LNX1: variants seen among roughly 807,000 people sequenced by gnomAD.
The protein encoded by LNX1 is E3 ubiquitin-protein ligase LNX.
LNX1 carries 54 observed loss-of-function variants against 68.4 expected under a neutral mutation model. That is an observed-to-expected ratio of 0.79 (90% CI 0.63 to 0.99). The LOEUF is 0.99. Among genes scored for constraint, LNX1 ranks in the 50% least tolerant of loss-of-function variants. The pLI is 0.00. For missense variants in LNX1, 906 were observed against 926.4 expected (o/e 0.98, Z 0.29); for synonymous variants, 336 against 350.0 (o/e 0.96, Z 0.45).
intron 1 of LNX1, among the ~76,000 whole-genome samples, chr4:53,644,358 C>T (rs554541832): frequency 3.7e-4 from 56 of 152,186 alleles, no homozygotes; most frequent in African/African-American, 1.2e-3. Context: ...GCCGAGATCA[C>T]GCCACTGCAC....
At chr4:53,463,437 A>AATC (rs1410917110) in intron 9 of LNX1, among the ~76,000 whole-genome samples, 1 of 152,012 alleles carries the variant, frequency 6.6e-6, no homozygotes, top group African/African-American at 2.4e-5. Context: ...TCCGTATGTT[A>AATC]ATCTGTTTCA....
chr4:53,534,698 T>C (rs1728249654), intron 2 of LNX1, among the ~76,000 whole-genome samples: 2 of 152,178 alleles, frequency 1.3e-5, no homozygotes, highest in Admixed American at 1.3e-4. Context: ...TAAAACAACC[T>C]ATTTGTCTTT....
chr4:53,469,383 A>G (rs1432880104), intron 9 of LNX1, among the ~76,000 whole-genome samples: 2 of 152,236 alleles, frequency 1.3e-5, no homozygotes, highest in Non-Finnish European at 1.5e-5. Context: ...TCACAAGAGA[A>G]AGCAGGAAAG....
exon 1 of LNX1, chr4:53,652,249 G>A (rs1007721471): frequency 6.6e-6 from 1 of 152,250 alleles, no homozygotes; most frequent in Non-Finnish European, 1.5e-5. Context: ...TTCTGGCTTA[G>A]CAGTAGCTCG....
rs540392929 is a variant in LNX1 at position 53,530,855 on chromosome 4, G to T, written c.381-22628C>A. 5.5e-4 allele frequency among the ~76,000 whole-genome samples: 83 copies of T among 152,208 alleles called. 1 individual carries two copies. The East Asian group carries it at 7.0e-3, about 13-fold the overall frequency. On this transcript the variant is annotated intron_variant, in intron 2 of 10. Transcript: ENST00000263925. ...AAAATGCTCCAGAAAAAAGGAGGGG[G>T]TACAGGGAATTAAAATTGTAAAATG...
chr4:53,642,542 T>G (rs557587503), intron 1 of LNX1, among the ~76,000 whole-genome samples: 2 of 152,214 alleles, frequency 1.3e-5, no homozygotes, highest in Non-Finnish European at 2.9e-5. Flanking sequence ...CACTCTAAAG[T>G]CATATGTGGC....
At chr4:53,564,916 C>T (rs1730550017) in intron 2 of LNX1, among the ~76,000 whole-genome samples, 1 of 152,172 alleles carries the variant, frequency 6.6e-6, no homozygotes, top group Admixed American at 6.5e-5. Context: ...AGGTCACTCC[C>T]ACCCGAATAC....
intron 2 of LNX1, chr4:53,558,226 C>T (rs1227763032): frequency 4.0e-6 from 5 of 1,253,072 alleles, no homozygotes; most frequent in Non-Finnish European, 5.1e-6. Flanking sequence ...TGAGAGCAGG[C>T]AAGCTGATGC....
chr4:53,612,262 A>C (rs1276017768), intron 2 of LNX1, among the ~76,000 whole-genome samples: 1 of 152,156 alleles, frequency 6.6e-6, no homozygotes, highest in Non-Finnish European at 1.5e-5. Context: ...GGTAAGGGAG[A>C]ACTTTCATAC....
chr4:53,575,698 G>A (rs1731440195), intron 1 of LNX1: 1 of 1,397,010 alleles, frequency 7.2e-7, no homozygotes, highest in South Asian at 2.1e-5. Flanking sequence ...GGCTAATCAA[G>A]GAGGAAGCAG....
chr4:53,554,470 T>G (rs1254971922), intron 2 of LNX1, among the ~76,000 whole-genome samples: 1 of 152,250 alleles, frequency 6.6e-6, no homozygotes, highest in Non-Finnish European at 1.5e-5. Flanking sequence ...AAATTGAATT[T>G]GAATGCTTTC....
chr4:53,618,899 G>GT (rs1030931897), upstream of LNX1, among the ~76,000 whole-genome samples: 12 of 151,896 alleles, frequency 7.9e-5, no homozygotes, highest in Non-Finnish European at 1.2e-4. Context: ...AGCTCCTTTT[G>GT]TTTTTTTTAT....
chr4:53,524,979 T>TAA lies in LNX1; in HGVS notation c.381-16753_381-16752insTT, dbSNP rs1320001938. Among the ~76,000 whole-genome samples, 4 of 152,272 alleles carry TAA rather than the reference T, an allele frequency of 2.6e-5. No individual in the cohort carries two copies. The South Asian group carries it at 8.3e-4, about 32-fold the overall frequency. Reference sequence around the variant, plus strand: ...AGACTTCCCCTTGTGGAGGGAGTCTTAGAGCGTAAAGATGGGGATTTGTGG... The same window carrying TAA: ...AGACTTCCCCTTGTGGAGGGAGTCTTAAAGAGCGTAAAGATGGGGATTTGTGG... On this transcript the variant is annotated intron_variant, in intron 2 of 10. Coordinates refer to ENST00000263925, the MANE Select transcript of LNX1 (RefSeq NM_001126328.3).
chr4:53,567,459 C>A (rs1472236293), intron 2 of LNX1, among the ~76,000 whole-genome samples: 1 of 152,020 alleles, frequency 6.6e-6, no homozygotes, highest in Non-Finnish European at 1.5e-5. Context: ...AGAACAAAGA[C>A]ACAACATACC....
upstream of LNX1, among the ~76,000 whole-genome samples, chr4:53,592,344 G>A (rs1394212676): frequency 6.6e-6 from 1 of 152,136 alleles, no homozygotes; most frequent in South Asian, 2.1e-4. Flanking sequence ...CAAGTCACTG[G>A]TTGCTTCACC....
At chr4:53,510,653 G>A (rs4864770) in intron 2 of LNX1, among the ~76,000 whole-genome samples, 146,066 of 152,196 alleles carry the variant, frequency 0.96, 70,383 homozygotes, top group East Asian at 1. Flanking sequence ...GCATTTGAGC[G>A]GCTCCAACGT....
intron 9 of LNX1, among the ~76,000 whole-genome samples, chr4:53,475,078 C>G (rs1723477280): frequency 6.6e-6 from 1 of 150,540 alleles, no homozygotes; most frequent in Non-Finnish European, 1.5e-5. Flanking sequence ...CAGACTACTT[C>G]CAGCAAAAGT....
chr4:53,560,727 G>T (rs1455804864), intron 2 of LNX1, among the ~76,000 whole-genome samples: 1 of 152,176 alleles, frequency 6.6e-6, no homozygotes, highest in Non-Finnish European at 1.5e-5. Context: ...AAACTGAACC[G>T]ATTCCTGCTG....
In LNX1 at chr4:53,591,440, C is replaced by T; in HGVS notation, c.-139G>A. Reference sequence around the variant, plus strand: ...CAAGCAGCAGCAGGCAGGCAGCTCTCATTCCTTGTGGGTGAACCGAGCAGC... The same window carrying T: ...CAAGCAGCAGCAGGCAGGCAGCTCTTATTCCTTGTGGGTGAACCGAGCAGC... On this transcript the variant is annotated 5_prime_UTR_variant, in exon 1 of 11. The change abolishes an upstream ATG in the 5' untranslated region. Transcript: ENST00000263925. 1.0e-6 allele frequency: 1 copy of T among 985,816 alleles called. No homozygotes were observed. Among genetic ancestry groups the T allele is most frequent in the African/African-American group, 1.7e-5 (1 of 57,350 alleles). 61.1% of individuals were successfully genotyped at this position (985,816 alleles called of 1,614,324 possible).
Sources: gnomAD v4.1 joint callset for allele counts (sites outside exome capture counted in the v4.1 genomes callset) on GRCh38, gnomAD v4.1.1 for gene constraint, MANE v1.5 for transcripts, NCBI Gene and HGNC (gene_info 2026-07-23, HGNC 2026-07-21) for gene names.